Variants in KCNG3 observed in about 807,000 individuals in gnomAD.
KCNG3 encodes voltage-gated potassium channel regulatory subunit KCNG3.
A neutral mutation model predicts 29.0 loss-of-function variants in KCNG3; 15 were observed. The observed-to-expected ratio is 0.52, with a 90% CI of 0.35 to 0.80. The LOEUF (loss-of-function observed/expected upper bound fraction) is 0.80. Among genes scored for constraint, KCNG3 ranks in the 30% least tolerant of loss-of-function variants. The pLI is 0.01. For synonymous variants in KCNG3, 322 were observed against 248.9 expected (o/e 1.29, Z -2.76); for missense variants, 512 against 605.7 (o/e 0.85, Z 1.62).
chr2:42,413,784 T>A, the KCNG3 span: 1 of 152,316 alleles, frequency 6.6e-6, no homozygotes, highest in Non-Finnish European at 1.5e-5. Flanking sequence ...GAAAGCCCCT[T>A]ATAAAACCAT....
chr2:42,396,876 T>TA, the KCNG3 span, among the ~76,000 whole-genome samples: 1 of 151,958 alleles, frequency 6.6e-6, no homozygotes, highest in African/African-American at 2.4e-5. Context: ...TTTGTTATAG[T>TA]AAAAAAAATT....
the KCNG3 span, among the ~76,000 whole-genome samples, chr2:42,389,385 C>G: frequency 6.6e-6 from 1 of 152,130 alleles, no homozygotes; most frequent in Admixed American, 6.5e-5. Flanking sequence ...TGGTTTCTTA[C>G]CAACTTTACT....
At chr2:42,459,309 C>T (rs1186122681) in intron 1 of KCNG3, among the ~76,000 whole-genome samples, 1 of 152,184 alleles carries the variant, frequency 6.6e-6, no homozygotes, top group Non-Finnish European at 1.5e-5. Context: ...TTCTGACCCG[C>T]TCCACATCCT....
At chr2:42,462,361 G>A (rs1414685190) in intron 1 of KCNG3, among the ~76,000 whole-genome samples, 2 of 152,194 alleles carry the variant, frequency 1.3e-5, no homozygotes, top group South Asian at 2.1e-4. Context: ...TATAAGACAG[G>A]TGATGAAGGA....
the KCNG3 span, among the ~76,000 whole-genome samples, chr2:42,402,654 A>G: frequency 6.6e-6 from 1 of 152,200 alleles, no homozygotes; most frequent in Non-Finnish European, 1.5e-5. Context: ...CATTTATTGA[A>G]CATCCACCCT....
At chr2:42,470,250 CTG>C (rs933701261) in intron 1 of KCNG3, 3 of 406,664 alleles carry the variant, frequency 7.4e-6, no homozygotes, top group African/African-American at 6.4e-5. Context: ...TCTACAGCCT[CTG>C]TCCTGGTCGC....
At chr2:42,408,833 G>A in the KCNG3 span, among the ~76,000 whole-genome samples, 3 of 152,186 alleles carry the variant, frequency 2.0e-5, no homozygotes, top group African/African-American at 7.2e-5. Context: ...AAGTAGAGAA[G>A]AGCTGCAGTC....
At chr2:42,469,120 GAATT>G (rs1041595571) in intron 1 of KCNG3, among the ~76,000 whole-genome samples, 107 of 151,002 alleles carry the variant, frequency 7.1e-4, no homozygotes, top group African/African-American at 2.6e-3. Context: ...GTGAATGCTG[GAATT>G]AATAGGATGG....
intron 1 of KCNG3, among the ~76,000 whole-genome samples, chr2:42,471,533 T>C (rs531347726): frequency 6.6e-6 from 1 of 152,086 alleles, no homozygotes; most frequent in African/African-American, 2.4e-5. Context: ...TAGGTTTCTT[T>C]TTGGGGTGAT....
intron 1 of KCNG3, among the ~76,000 whole-genome samples, chr2:42,449,511 TTTC>T (rs1475621591): frequency 2.3e-5 from 3 of 128,478 alleles, no homozygotes; most frequent in Admixed American, 2.0e-4. Flanking sequence ...GCCACTGAGA[TTTC>T]TTTTTTTTTT....
the KCNG3 span, among the ~76,000 whole-genome samples, chr2:42,419,354 C>T: frequency 4.0e-5 from 6 of 149,400 alleles, no homozygotes; most frequent in South Asian, 1.1e-3. Context: ...TCTCCTGCCT[C>T]AGCCTCCCAA....
chr2:42,406,306 G>A, the KCNG3 span, among the ~76,000 whole-genome samples: 2 of 151,366 alleles, frequency 1.3e-5, no homozygotes, highest in African/African-American at 2.4e-5. Context: ...TGCAACCTCT[G>A]CCTCCTGGGT....
intron 1 of KCNG3, among the ~76,000 whole-genome samples, chr2:42,466,663 G>A (rs1435441471): frequency 6.6e-6 from 1 of 151,898 alleles, no homozygotes. Flanking sequence ...ACTGTGTACT[G>A]TTGGTGGGAG....
At chr2:42,479,968 CAT>C in intron 1 of KCNG3, among the ~76,000 whole-genome samples, 1 of 152,190 alleles carries the variant, frequency 6.6e-6, no homozygotes, top group African/African-American at 2.4e-5. Flanking sequence ...GCTGAGATTG[CAT>C]GCACCATTGC....
chr2:42,450,356 G>C (rs1672718501), intron 1 of KCNG3, among the ~76,000 whole-genome samples: 1 of 152,120 alleles, frequency 6.6e-6, no homozygotes, highest in Non-Finnish European at 1.5e-5. Context: ...CTTCAATTAT[G>C]CCAAGGCAGT....
intron 1 of KCNG3, among the ~76,000 whole-genome samples, chr2:42,477,917 C>G (rs986817284): frequency 1.3e-5 from 2 of 151,770 alleles, no homozygotes; most frequent in Non-Finnish European, 2.9e-5. Flanking sequence ...ACCTCTTTCA[C>G]GGGCATCCCA....
At chr2:42,437,979 A>G (rs992258094), downstream of KCNG3, among the ~76,000 whole-genome samples, 12 of 151,806 alleles carry the variant, frequency 7.9e-5, no homozygotes, top group African/African-American at 2.9e-4. Context: ...TGTCACTACA[A>G]TCACATAATA....
At chr2:42,419,219 C>CTTTTT in the KCNG3 span, among the ~76,000 whole-genome samples, 2,005 of 27,754 alleles carry the variant, frequency 0.072, 705 homozygotes, top group Middle Eastern at 0.1. Flanking sequence ...GATGGTATCT[C>CTTTTT]TTTTTTTTTT....
chr2:42,421,363 A>C, the KCNG3 span, among the ~76,000 whole-genome samples: 1 of 152,200 alleles, frequency 6.6e-6, no homozygotes, highest in African/African-American at 2.4e-5. Flanking sequence ...GATGAACCTA[A>C]TCTATTATAG....
Sources: allele counts gnomAD v4.1 joint callset (sites outside exome capture counted in the v4.1 genomes callset), GRCh38; gene constraint gnomAD v4.1.1; transcripts MANE v1.5; gene names NCBI Gene and HGNC (gene_info 2026-07-23, HGNC 2026-07-21).